ARHGAP28: variants seen among roughly 807,000 people sequenced by gnomAD.
ARHGAP28 encodes rho GTPase-activating protein 28.
Under a neutral mutation model 90.7 loss-of-function variants are expected in ARHGAP28, and 56 were observed. The observed-to-expected ratio is 0.62, with a 90% CI of 0.50 to 0.77. The LOEUF (loss-of-function observed/expected upper bound fraction) is 0.77, where lower values mean the gene tolerates loss of function less well. Ranked by LOEUF, ARHGAP28 falls within the 30% of genes least tolerant of loss-of-function variation. The pLI is 0.00. For missense variants in ARHGAP28, 869 were observed against 900.9 expected, an observed-to-expected ratio of 0.96 and a Z score of 0.45; for synonymous variants, 308 against 323.3, an observed-to-expected ratio of 0.95 and a Z score of 0.51.
chr18:6,801,781 T>G (rs2056483951), intron 1 of ARHGAP28, among the ~76,000 whole-genome samples: 1 of 152,140 alleles, frequency 6.6e-6, no homozygotes, highest in African/African-American at 2.4e-5. Context: ...AATTATTCCC[T>G]TCTTAGCTAT....
Position 6,870,592 on chromosome 18 carries a change from G to C in ARHGAP28, c.814G>C (p.Asp272His). The change falls in exon 7 of 18, where the codon GAT becomes CAT. Residue 272 changes from aspartate to histidine, a missense_variant and splice_region_variant. Coordinates refer to ENST00000383472, the MANE Select transcript of ARHGAP28 (RefSeq NM_001366230.1). ...TGTATTCTTTGTTTTGTCTTTAGAT[G>C]ATGATTTTCTGGAAAAGAACATTCC... is the stretch of plus-strand genomic sequence containing the variant. ...GQPVQNAISD[D>H]DFLEKNIPPE... is the part of the protein sequence containing the mutation. 1 of 1,608,784 alleles carries C rather than the reference G, an allele frequency of 6.2e-7. No homozygotes were observed. Among genetic ancestry groups the C allele is most frequent in the South Asian group, 1.1e-5 (1 of 90,538 alleles).
chr18:6,793,322 G>C (rs552394599), intron 1 of ARHGAP28, among the ~76,000 whole-genome samples: 1 of 152,164 alleles, frequency 6.6e-6, no homozygotes, highest in Non-Finnish European at 1.5e-5. Context: ...GAGGAACAGT[G>C]CTCCTCTAAT....
chr18:6,823,904 G>A (rs890940023), intron 1 of ARHGAP28, among the ~76,000 whole-genome samples: 4 of 151,996 alleles, frequency 2.6e-5, no homozygotes, highest in Admixed American at 1.3e-4. Context: ...ATGTATGGTG[G>A]CTCTATTTTT....
chr18:6,889,800 C>T, intron 12 of ARHGAP28, 88 bp from the exon 13 acceptor site: 1 of 1,215,310 alleles, frequency 8.2e-7, no homozygotes, highest in Admixed American at 1.7e-5. Context: ...TCTCTGGCAG[C>T]AGAGTGAATG....
At chr18:6,770,749 G>A (rs7241654) in intron 1 of ARHGAP28, among the ~76,000 whole-genome samples, 60,119 of 151,822 alleles carry the variant, frequency 0.4, 12,756 homozygotes, top group East Asian at 0.85. Context: ...CAGCCCTTGG[G>A]CAGCTGAGTG....
At chr18:6,826,841 G>C (rs959229147) in intron 2 of ARHGAP28, among the ~76,000 whole-genome samples, 1 of 152,016 alleles carries the variant, frequency 6.6e-6, no homozygotes, top group African/African-American at 2.4e-5. Flanking sequence ...GCGGCCTTCC[G>C]CAGTGTTTGT....
At chr18:6,737,930 G>C (rs2055942802) in intron 1 of ARHGAP28, among the ~76,000 whole-genome samples, 2 of 152,146 alleles carry the variant, frequency 1.3e-5, no homozygotes, top group Non-Finnish European at 2.9e-5. Context: ...CTGTCCATTT[G>C]ACAGGCAGTT....
intron 1 of ARHGAP28, among the ~76,000 whole-genome samples, chr18:6,782,211 G>C (rs2056329519): frequency 6.6e-6 from 1 of 152,272 alleles, no homozygotes; most frequent in Non-Finnish European, 1.5e-5. Flanking sequence ...GGAGTGGGGG[G>C]TTGAGGGGGT....
chr18:6,911,985 ACACAGACACATATGTGTGCGCACG>A, intron 17 of ARHGAP28, 51 bp from the exon 18 acceptor site: 1 of 917,080 alleles, frequency 1.1e-6, no homozygotes, highest in Non-Finnish European at 1.6e-6. Context: ...TCACAAACAC[ACACAGACACATATGTGTGCGCACG>A]CACACACACA....
chr18:6,787,152 G>A (rs1002872046), intron 1 of ARHGAP28, among the ~76,000 whole-genome samples: 1 of 150,436 alleles, frequency 6.6e-6, no homozygotes, highest in Non-Finnish European at 1.5e-5. Context: ...CCTGGGAGGC[G>A]GAGGTTGCAG....
intron 1 of ARHGAP28, among the ~76,000 whole-genome samples, chr18:6,765,111 G>A (rs1374680953): frequency 6.6e-6 from 1 of 152,150 alleles, no homozygotes; most frequent in Non-Finnish European, 1.5e-5. Context: ...TTGGTCCATA[G>A]GTTTTTGTTC....
intron 1 of ARHGAP28, among the ~76,000 whole-genome samples, chr18:6,746,976 T>A (rs1225245216): frequency 6.6e-6 from 1 of 152,130 alleles, no homozygotes; most frequent in African/African-American, 2.4e-5. Flanking sequence ...GTTTTAAAAT[T>A]ATATATGTAT....
chr18:6,878,816 C>T (rs968767723), intron 10 of ARHGAP28, among the ~76,000 whole-genome samples: 9 of 152,164 alleles, frequency 5.9e-5, no homozygotes, highest in Non-Finnish European at 7.3e-5. Context: ...GGAAACACTG[C>T]CGTTAGAAAG....
chr18:6,748,090 G>A (rs1450774858), intron 1 of ARHGAP28, among the ~76,000 whole-genome samples: 2 of 152,230 alleles, frequency 1.3e-5, no homozygotes, highest in South Asian at 2.1e-4. Flanking sequence ...CACAGGTGCT[G>A]TGGAATGCAC....
intron 2 of ARHGAP28, among the ~76,000 whole-genome samples, chr18:6,829,838 G>A (rs916367892): frequency 1.3e-5 from 2 of 152,224 alleles, no homozygotes; most frequent in African/African-American, 4.8e-5. Context: ...TAGGGCTGCT[G>A]TAACAAAGTA....
intron 1 of ARHGAP28, among the ~76,000 whole-genome samples, chr18:6,742,434 T>C (rs1325954077): frequency 1.3e-5 from 2 of 152,166 alleles, no homozygotes; most frequent in South Asian, 2.1e-4. Context: ...CTTTCCAGCA[T>C]GCAGGGATTA....
At chr18:6,871,451 A>T (rs2057088935) in intron 7 of ARHGAP28, among the ~76,000 whole-genome samples, 2 of 152,244 alleles carry the variant, frequency 1.3e-5, no homozygotes, top group South Asian at 4.1e-4. Flanking sequence ...GTGAGAGCTC[A>T]TGGAACAGAC....
At chr18:6,860,293 T>C in intron 5 of ARHGAP28, among the ~76,000 whole-genome samples, 1 of 152,208 alleles carries the variant, frequency 6.6e-6, no homozygotes, top group East Asian at 1.9e-4. Context: ...TTCATCTTGA[T>C]GTTGAAGGCT....
At chr18:6,847,624 A>G (rs1432997611) in intron 3 of ARHGAP28, among the ~76,000 whole-genome samples, 8 of 88,408 alleles carry the variant, frequency 9.0e-5, no homozygotes, top group Middle Eastern at 4.9e-3. Context: ...AGAGAGAGAG[A>G]GTGGGGGTGT....
Sources: allele counts gnomAD v4.1 joint callset (sites outside exome capture counted in the v4.1 genomes callset), GRCh38; gene constraint gnomAD v4.1.1; transcripts MANE v1.5; gene names NCBI Gene and HGNC (gene_info 2026-07-23, HGNC 2026-07-21).